GPR63: variants seen among roughly 807,000 people sequenced by gnomAD.
GPR63 encodes the protein G protein-coupled receptor 63.
In GPR63, 12 loss-of-function variants were observed where a neutral mutation model predicts 23.1. The ratio of observed to expected loss-of-function variants is 0.52; its 90% confidence interval spans 0.33 to 0.84. The LOEUF (loss-of-function observed/expected upper bound fraction) is 0.84. Among genes scored for constraint, GPR63 ranks in the 40% least tolerant of loss-of-function variants. GPR63 has a pLI of 0.02. For missense variants in GPR63, 472 were observed against 515.6 expected (o/e 0.92, Z 0.82); for synonymous variants, 172 against 191.1 (o/e 0.90, Z 0.82).
intron 1 of GPR63, among the ~76,000 whole-genome samples, chr6:96,828,333 T>A (rs1015828921): frequency 6.6e-6 from 1 of 151,984 alleles, no homozygotes; most frequent in Non-Finnish European, 1.5e-5. Flanking sequence ...ACCCTTATAG[T>A]CTTATTTAAT....
intron 1 of GPR63, among the ~76,000 whole-genome samples, chr6:96,809,890 TAA>T (rs1439226710): frequency 4.6e-5 from 7 of 152,148 alleles, no homozygotes; most frequent in Admixed American, 4.6e-4. Flanking sequence ...GTGAATTAAA[TAA>T]GATAGATGAA....
intron 1 of GPR63, among the ~76,000 whole-genome samples, chr6:96,827,164 A>T (rs1418195612): frequency 6.6e-6 from 1 of 152,042 alleles, no homozygotes. Context: ...GAAAATTATT[A>T]GACAAAGAAT....
chr6:96,831,796 C>G (rs1340546507), intron 1 of GPR63, among the ~76,000 whole-genome samples: 1 of 151,894 alleles, frequency 6.6e-6, no homozygotes, highest in Admixed American at 6.6e-5. Flanking sequence ...ATCCCAGGTA[C>G]TCAGGAGGCT....
chr6:96,799,042 C>T lies in GPR63; in HGVS notation c.690G>A (p.Val230=). The change falls in exon 2 of 2, where the codon GTG becomes GTA. Residue 230 remains valine (V), a synonymous_variant. Coordinates refer to ENST00000229955, the MANE Select transcript of GPR63 (RefSeq NM_030784.4). ...AGCCTGGATTGGTTGTGTACCCAAA[C>T]ACACACTGGGGAGCTCGGGAAGGTA... The part of the protein sequence containing the change: ...LQIPSRAPQC[V]FGYTTNPGYQ... 1.2e-6 allele frequency: 2 copies of T among 1,614,148 alleles called. No homozygotes were observed. The highest frequency in any genetic ancestry group is 1.7e-6 in the Non-Finnish European group (2 of 1,180,022).
chr6:96,808,234 A>C (rs1016732726), intron 1 of GPR63, among the ~76,000 whole-genome samples: 2 of 152,224 alleles, frequency 1.3e-5, no homozygotes, highest in Admixed American at 1.3e-4. Flanking sequence ...GTGATTACAG[A>C]AGTCTAGGTC....
At chr6:96,830,280 T>C (rs1182148024) in intron 1 of GPR63, among the ~76,000 whole-genome samples, 1 of 152,184 alleles carries the variant, frequency 6.6e-6, no homozygotes, top group Non-Finnish European at 1.5e-5. Context: ...ATAAACATTC[T>C]TTAAAAGTAA....
intron 1 of GPR63, among the ~76,000 whole-genome samples, chr6:96,832,519 C>T (rs1347675934): frequency 3.9e-5 from 6 of 152,010 alleles, no homozygotes; most frequent in South Asian, 2.1e-4. Flanking sequence ...AGAATCCTCC[C>T]GCCTCGGCCT....
intron 1 of GPR63, among the ~76,000 whole-genome samples, chr6:96,824,772 G>A (rs1025925656): frequency 1.3e-5 from 2 of 152,016 alleles, no homozygotes; most frequent in African/African-American, 4.8e-5. Flanking sequence ...GTTGTTACTG[G>A]GTTTCCCACT....
intron 1 of GPR63, among the ~76,000 whole-genome samples, chr6:96,805,782 A>G (rs922552224): frequency 6.6e-6 from 1 of 152,214 alleles, no homozygotes; most frequent in Non-Finnish European, 1.5e-5. Flanking sequence ...ATTCCTGCAG[A>G]GATTGCAAAG....
intron 1 of GPR63, among the ~76,000 whole-genome samples, chr6:96,812,101 C>G (rs931397742): frequency 1.3e-5 from 2 of 151,836 alleles, no homozygotes; most frequent in Non-Finnish European, 2.9e-5. Flanking sequence ...TAGGGAAGAG[C>G]TTATTTAAAG....
At chr6:96,830,517 AG>A (rs1266462041) in intron 1 of GPR63, among the ~76,000 whole-genome samples, 1 of 152,218 alleles carries the variant, frequency 6.6e-6, no homozygotes, top group Non-Finnish European at 1.5e-5. Context: ...GGTAAGTACC[AG>A]GTATTAAGGG....
At chr6:96,824,634 G>A (rs1242453179) in intron 1 of GPR63, among the ~76,000 whole-genome samples, 1 of 119,670 alleles carries the variant, frequency 8.4e-6, no homozygotes, top group Admixed American at 1.0e-4. Context: ...TATTCATTTT[G>A]AACTTTTAAA....
In GPR63 at chr6:96,812,817, C is replaced by T. The variant is rs367695662; in HGVS notation, c.-150-12936G>A. Among the ~76,000 whole-genome samples the T allele has an allele frequency of 3.5e-4, 53 of 152,164 alleles. No individual in the cohort carries two copies. In the South Asian group the frequency reaches 0.011, roughly 31 times the overall value. ...TCGGGGTATCTGGAGTATCCATCAT[C>T]TAGAGTATTTAACATTTCTATGTGT... On this transcript the variant is annotated intron_variant, in intron 1 of 1. Transcript: ENST00000229955.
chr6:96,800,453 C>T (rs376786481), intron 1 of GPR63, among the ~76,000 whole-genome samples: 2 of 152,204 alleles, frequency 1.3e-5, no homozygotes, highest in African/African-American at 4.8e-5. Flanking sequence ...AGATCTGAAA[C>T]ATTTTCTTGG....
chr6:96,798,740 G>C lies in GPR63; in HGVS notation c.992C>G (p.Thr331Ser). 1.2e-6 allele frequency: 2 copies of C among 1,614,198 alleles called. No homozygotes were observed. Among genetic ancestry groups the C allele is most frequent in the Non-Finnish European group, 1.7e-6 (2 of 1,180,032 alleles). Residue 331 changes from threonine (T) to serine (S), a missense_variant, in exon 2 of 2, where the codon ACC becomes AGC. By Grantham distance (58) the Thr-to-Ser change is moderately conservative. Coordinates refer to ENST00000229955, the MANE Select transcript of GPR63 (RefSeq NM_030784.4). ...AVFIVCWAPF[T>S]TYSLVATFSK... ...GAATGTTGCCACAAGGCTGTAAGTGGTGAATGGGGCCCAGCAGACAATGAA... is the reference window on the plus strand; with the variant it reads ...GAATGTTGCCACAAGGCTGTAAGTGCTGAATGGGGCCCAGCAGACAATGAA...
rs1773615270 is a variant in GPR63 at position 96,797,314 on chromosome 6, T to C, written c.*1158A>G. On this transcript the variant is annotated 3_prime_UTR_variant, in exon 2 of 2. Transcript: ENST00000229955. The stretch of plus-strand genomic sequence containing the variant: ...ATGCTTTCATATTTCTTTTGGTAGT[T>C]AGAAAATAAAGGCTAATTTTTAAAA... 1 of 152,218 alleles carries C rather than the reference T, an allele frequency of 6.6e-6. No individual in the cohort carries two copies. Among genetic ancestry groups the C allele is most frequent in the Non-Finnish European group, 1.5e-5 (1 of 68,040 alleles). The allele number at this position is 152,218 out of a possible 1,614,324, so 9.4% of individuals were successfully genotyped here.
rs1313733545 is a variant in GPR63 at position 96,832,144 on chromosome 6, TATC to T, written c.-151+5121_-151+5123del. Among the ~76,000 whole-genome samples, 4 of 152,116 alleles carry T rather than the reference TATC, an allele frequency of 2.6e-5. No individual in the cohort carries two copies. In the East Asian group the frequency reaches 7.7e-4, roughly 29 times the overall value. ...TAAGGGCCATTTTTAGAAATTAAAA[TATC>T]ATAGTATTTTTCTATATGTATATAA... On this transcript the variant is annotated intron_variant, in intron 1 of 1. Coordinates refer to ENST00000229955, the MANE Select transcript of GPR63 (RefSeq NM_030784.4).
intron 1 of GPR63, among the ~76,000 whole-genome samples, chr6:96,819,488 A>C (rs1381326556): frequency 1.3e-5 from 2 of 151,886 alleles, no homozygotes; most frequent in Non-Finnish European, 2.9e-5. Context: ...GGAGACAGGG[A>C]GGGGAACATC....
chr6:96,800,614 G>A (rs1306750974), intron 1 of GPR63, among the ~76,000 whole-genome samples: 1 of 152,046 alleles, frequency 6.6e-6, no homozygotes, highest in Non-Finnish European at 1.5e-5. Flanking sequence ...AAAATTCTAA[G>A]ATGTCTTGGT....
Sources: gnomAD v4.1 joint callset for allele counts (sites outside exome capture counted in the v4.1 genomes callset) on GRCh38, gnomAD v4.1.1 for gene constraint, MANE v1.5 for transcripts, NCBI Gene and HGNC (gene_info 2026-07-23, HGNC 2026-07-21) for gene names.